The following PRKCQ variants were observed in gnomAD, a reference collection of about 807,000 sequenced individuals.
PRKCQ encodes protein kinase C theta type.
PRKCQ carries 41 observed loss-of-function variants against 91.2 expected under a neutral mutation model. That is an observed-to-expected ratio of 0.45 (90% CI 0.35 to 0.58). PRKCQ has a LOEUF of 0.58. Ranked by LOEUF, PRKCQ falls within the 20% of genes least tolerant of loss-of-function variation. The pLI, the probability that PRKCQ is intolerant of heterozygous loss-of-function variation, is 0.00. For synonymous variants in PRKCQ, 307 were observed against 316.9 expected (o/e 0.97, Z 0.33); for missense variants, 673 against 896.5 (o/e 0.75, Z 3.18).
intron 5 of PRKCQ, among the ~76,000 whole-genome samples, chr10:6,498,148 GC>G (rs369704368): frequency 6.6e-6 from 1 of 150,852 alleles, no homozygotes; most frequent in South Asian, 2.1e-4. Flanking sequence ...ACCCCCAATA[GC>G]CCCCCCATTG....
intron 15 of PRKCQ, among the ~76,000 whole-genome samples, chr10:6,447,756 C>T (rs1436976351): frequency 1.3e-5 from 2 of 152,206 alleles, no homozygotes; most frequent in Admixed American, 1.3e-4. Context: ...CTCTGCCTCA[C>T]CTAGTCGGCC....
intron 16 of PRKCQ, among the ~76,000 whole-genome samples, chr10:6,439,732 A>G (rs774592362): frequency 1.3e-5 from 2 of 151,842 alleles, no homozygotes; most frequent in Non-Finnish European, 2.9e-5. Context: ...ACAGTATATC[A>G]TACATATAAC....
the PRKCQ span, among the ~76,000 whole-genome samples, chr10:6,398,645 G>A: frequency 6.6e-6 from 1 of 151,738 alleles, no homozygotes; most frequent in Non-Finnish European, 1.5e-5. Flanking sequence ...CATGGCCTGT[G>A]CTAGATGCTG....
intron 8 of PRKCQ, among the ~76,000 whole-genome samples, chr10:6,487,812 A>G (rs1469291432): frequency 6.6e-6 from 1 of 152,102 alleles, no homozygotes; most frequent in Non-Finnish European, 1.5e-5. Context: ...AGCCTGGCCA[A>G]CATGGTGAAA....
intron 12 of PRKCQ, among the ~76,000 whole-genome samples, chr10:6,473,296 G>T (rs751657994): frequency 1.3e-5 from 2 of 152,224 alleles, no homozygotes; most frequent in African/African-American, 4.8e-5. Flanking sequence ...CTTTTGGGGT[G>T]TTTCCAGGTG....
rs1392223362 is a variant in PRKCQ at position 6,561,373 on chromosome 10, A to G, written c.-10+18838T>C. Among the ~76,000 whole-genome samples the G allele has an allele frequency of 8.4e-3, 42 of 5,018 alleles. 1 individual carries two copies. The East Asian group carries it at 0.12, about 14-fold the overall frequency. 3.3% of individuals were successfully genotyped at this position (5,018 alleles called of 152,430 possible). A position where few individuals can be genotyped will look rare whatever the true frequency, so the allele number is the denominator to read the frequency against. On this transcript the variant is annotated intron_variant, in intron 1 of 17. Coordinates refer to ENST00000263125, the MANE Select transcript of PRKCQ (RefSeq NM_006257.5). ...CACCAGAGTGAGACCCTGTCTCAAA[A>G]AAAAAAAAAAAAAAAAAAAAAAAGA...
the PRKCQ span, among the ~76,000 whole-genome samples, chr10:6,419,229 AAATCT>A: frequency 7.3e-6 from 1 of 137,444 alleles, no homozygotes; most frequent in Non-Finnish European, 1.6e-5. Context: ...ATTTATCATC[AAATCT>A]ATTTATGTGT....
chr10:6,483,133 G>A (rs562498482), intron 11 of PRKCQ, among the ~76,000 whole-genome samples: 16 of 152,284 alleles, frequency 1.1e-4, no homozygotes, highest in South Asian at 4.1e-4. Flanking sequence ...CACAAACACC[G>A]TGTGAAACAG....
chr10:6,580,277 G>T (rs1329542146), upstream of PRKCQ: 1 of 34,704 alleles, frequency 2.9e-5, no homozygotes, highest in Non-Finnish European at 8.6e-5. Context: ...CGCGGGGACT[G>T]CGCGGGGACT....
chr10:6,528,932 G>T (rs1839291586), intron 1 of PRKCQ, among the ~76,000 whole-genome samples: 1 of 152,054 alleles, frequency 6.6e-6, no homozygotes, highest in African/African-American at 2.4e-5. Flanking sequence ...TTGTACCTGG[G>T]GCTTAATGAT....
intron 1 of PRKCQ, among the ~76,000 whole-genome samples, chr10:6,578,254 G>C (rs556330646): frequency 6.6e-6 from 1 of 152,336 alleles, no homozygotes; most frequent in East Asian, 1.9e-4. Flanking sequence ...TATGGTGAGC[G>C]AAGACGCAAT....
chr10:6,474,230 C>T (rs530804041), intron 12 of PRKCQ, among the ~76,000 whole-genome samples: 1 of 152,214 alleles, frequency 6.6e-6, no homozygotes, highest in Non-Finnish European at 1.5e-5. Flanking sequence ...GGAACACTAG[C>T]GTTCTGCCTC....
intron 15 of PRKCQ, among the ~76,000 whole-genome samples, chr10:6,445,039 G>A (rs956641761): frequency 2.2e-5 from 3 of 139,484 alleles, no homozygotes; most frequent in African/African-American, 5.4e-5. Context: ...CAGGAGAATC[G>A]CTTGAACCCG....
chr10:6,555,042 A>G (rs1840351863), intron 1 of PRKCQ, among the ~76,000 whole-genome samples: 1 of 152,074 alleles, frequency 6.6e-6, no homozygotes, highest in South Asian at 2.1e-4. Context: ...TAATCAAATA[A>G]TGCATATTCT....
chr10:6,563,542 G>A (rs1461570628), intron 1 of PRKCQ, among the ~76,000 whole-genome samples: 4 of 152,018 alleles, frequency 2.6e-5, no homozygotes, highest in Admixed American at 6.6e-5. Flanking sequence ...ATGCTTGTTC[G>A]CGTCTCTTGA....
At chr10:6,425,412 C>T (rs138622787), downstream of PRKCQ, among the ~76,000 whole-genome samples, 2,729 of 151,954 alleles carry the variant, frequency 0.018, 41 homozygotes, top group African/African-American at 0.029. Context: ...TTTTAGTAGA[C>T]GGGGTTTCAC....
chr10:6,413,647 A>G, the PRKCQ span, among the ~76,000 whole-genome samples: 1 of 130,100 alleles, frequency 7.7e-6, no homozygotes, highest in African/African-American at 3.2e-5. Flanking sequence ...GCACACACAC[A>G]CACACTAGGA....
intron 1 of PRKCQ, among the ~76,000 whole-genome samples, chr10:6,561,369 C>CAAAAAAAAAAAAAAAA (rs3086735): frequency 3.6e-5 from 3 of 82,634 alleles, no homozygotes; most frequent in Non-Finnish European, 4.5e-5. Flanking sequence ...GACCCTGTCT[C>CAAAAAAAAAAAAAAAA]AAAAAAAAAA....
At chr10:6,518,242 A>C (rs1310724209) in intron 1 of PRKCQ, among the ~76,000 whole-genome samples, 6 of 152,242 alleles carry the variant, frequency 3.9e-5, no homozygotes, top group African/African-American at 1.4e-4. Flanking sequence ...CATGTGTTAT[A>C]AATACAGAGA....
Sources: gnomAD v4.1 joint callset for allele counts (sites outside exome capture counted in the v4.1 genomes callset) on GRCh38, gnomAD v4.1.1 for gene constraint, MANE v1.5 for transcripts, NCBI Gene and HGNC (gene_info 2026-07-23, HGNC 2026-07-21) for gene names.